The following INTS15 variants were observed in gnomAD, a reference collection of about 807,000 sequenced individuals.
INTS15 encodes uncharacterized protein C7orf26.
the INTS15 span, among the ~76,000 whole-genome samples, chr7:6,600,771 C>T: frequency 6.6e-6 from 1 of 152,142 alleles, no homozygotes; most frequent in Non-Finnish European, 1.5e-5. Flanking sequence ...AATCATCGTG[C>T]ATCAGCCTCC....
At chr7:6,593,649 G>GTT in the INTS15 span, among the ~76,000 whole-genome samples, 16 of 130,722 alleles carry the variant, frequency 1.2e-4, no homozygotes, top group Non-Finnish European at 2.0e-4. Context: ...GTGTTTTTCT[G>GTT]TTTTTTTTTT....
chr7:6,591,894 G>A, the INTS15 span: 13 of 1,600,242 alleles, frequency 8.1e-6, 1 homozygote, highest in Admixed American at 1.2e-4. Flanking sequence ...ACCCTCGGCC[G>A]GGTGCGGTGG....
the INTS15 span, chr7:6,600,461 T>A: frequency 2.5e-6 from 3 of 1,205,196 alleles, no homozygotes; most frequent in African/African-American, 4.6e-5. Context: ...ATTTAGGACT[T>A]CTTTTCCTCC....
chr7:6,608,080 C>T, the INTS15 span: 3 of 1,566,320 alleles, frequency 1.9e-6, no homozygotes, highest in Non-Finnish European at 2.6e-6. Context: ...CGGCCCACCC[C>T]GCCGCCCACC....
chr7:6,590,369 G>A, the INTS15 span: 31 of 1,606,892 alleles, frequency 1.9e-5, no homozygotes, highest in Non-Finnish European at 2.6e-5. Context: ...ATCTACTTCA[G>A]CAGCCAGCTG....
At chr7:6,603,353 G>C in the INTS15 span, among the ~76,000 whole-genome samples, 6 of 151,872 alleles carry the variant, frequency 4.0e-5, no homozygotes, top group African/African-American at 1.2e-4. Flanking sequence ...TTTGAGACCA[G>C]CCTGGCCAAC....
At chr7:6,590,834 C>G in the INTS15 span, among the ~76,000 whole-genome samples, 1 of 149,170 alleles carries the variant, frequency 6.7e-6, no homozygotes, top group South Asian at 2.1e-4. Context: ...TTTTTTTTTT[C>G]TTTCTCTGCC....
At chr7:6,595,363 T>C in the INTS15 span, among the ~76,000 whole-genome samples, 5,201 of 152,240 alleles carry the variant, frequency 0.034, 105 homozygotes, top group Middle Eastern at 0.051. Context: ...GGAGTTTCAC[T>C]GTGTTGCCCA....
the INTS15 span, chr7:6,590,216 A>C: frequency 7.7e-7 from 1 of 1,301,868 alleles, no homozygotes; most frequent in East Asian, 3.1e-5. Context: ...TTCCACGGGT[A>C]GCGGCGCAGT....
chr7:6,602,990 C>A, the INTS15 span, among the ~76,000 whole-genome samples: 1 of 152,228 alleles, frequency 6.6e-6, no homozygotes, highest in African/African-American at 2.4e-5. Context: ...TGGCTCACGC[C>A]TGTAATCCCA....
chr7:6,604,903 G>T, the INTS15 span, among the ~76,000 whole-genome samples: 244 of 152,222 alleles, frequency 1.6e-3, 3 homozygotes, highest in Non-Finnish European at 1.2e-3. Flanking sequence ...CCTGCGTGAG[G>T]TGTCATGACA....
the INTS15 span, among the ~76,000 whole-genome samples, chr7:6,593,325 G>A: frequency 2.0e-4 from 29 of 147,942 alleles, no homozygotes; most frequent in African/African-American, 6.4e-4. Context: ...TGGTCTGTGC[G>A]GTGGTTTTTT....
At chr7:6,600,143 A>G in the INTS15 span, 4 of 1,614,208 alleles carry the variant, frequency 2.5e-6, no homozygotes, top group Non-Finnish European at 2.5e-6. Context: ...GCAAGTGCTC[A>G]TGACGCTGCA....
chr7:6,595,846 C>G, the INTS15 span, among the ~76,000 whole-genome samples: 1 of 152,136 alleles, frequency 6.6e-6, no homozygotes, highest in Admixed American at 6.6e-5. Context: ...CCAGGCCTGG[C>G]TGACAAAACC....
the INTS15 span, chr7:6,602,246 TA>T: frequency 1.2e-6 from 1 of 855,356 alleles, no homozygotes; most frequent in Non-Finnish European, 1.8e-6. Flanking sequence ...GAGAGCCCAG[TA>T]AGCACATGAT....
chr7:6,608,119 CT>C, the INTS15 span: 1 of 1,569,196 alleles, frequency 6.4e-7, no homozygotes. Flanking sequence ...CCGGCCACAC[CT>C]TCATCTCCGG....
chr7:6,598,801 T>TA, the INTS15 span, among the ~76,000 whole-genome samples: 1 of 136,558 alleles, frequency 7.3e-6, no homozygotes, highest in Non-Finnish European at 1.5e-5. Context: ...TTTTTTTTTT[T>TA]CCTGAGGCAG....
At chr7:6,602,592 T>C in the INTS15 span, 1 of 437,138 alleles carries the variant, frequency 2.3e-6, no homozygotes, top group African/African-American at 2.0e-5. Context: ...ACTTGGGAAG[T>C]CTCTTGACCT....
chr7:6,602,792 C>G, the INTS15 span: 1 of 469,252 alleles, frequency 2.1e-6, no homozygotes, highest in Non-Finnish European at 4.4e-6. Context: ...GGAGAGAATC[C>G]GGGCCTTGCC....
Sources: allele counts gnomAD v4.1 joint callset (sites outside exome capture counted in the v4.1 genomes callset), GRCh38; gene constraint gnomAD v4.1.1; transcripts MANE v1.5; gene names NCBI Gene and HGNC (gene_info 2026-07-23, HGNC 2026-07-21).